The following STAT1 variants were observed in gnomAD, a reference collection of about 807,000 sequenced individuals.
STAT1 encodes the protein signal transducer and activator of transcription 1-alpha/beta.
A neutral mutation model predicts 111.7 loss-of-function variants in STAT1; 24 were observed. The ratio of observed to expected loss-of-function variants is 0.21; its 90% CI spans 0.16 to 0.30. The LOEUF is 0.30. STAT1 is among the 10% of genes least tolerant of loss of function. STAT1 has a pLI of 1.00. For missense variants in STAT1, 351 were observed against 911.9 expected (o/e 0.38, Z 7.92); for synonymous variants, 332 against 326.5 (o/e 1.02, Z -0.18).
At position 190,999,518 on chromosome 2, in the gene STAT1, C is replaced by T. The variant is rs1441203214; in HGVS notation, c.541+108G>A. The T allele has an allele frequency of 3.8e-6, 3 of 796,412 alleles. No homozygotes were observed. Among genetic ancestry groups the T allele is most frequent in the Admixed American group, 2.0e-5 (1 of 51,190 alleles). 49.3% of individuals were successfully genotyped at this position (796,412 alleles called of 1,614,324 possible). On this transcript the variant is annotated intron_variant, in intron 7 of 24. Coordinates refer to ENST00000361099, the MANE Select transcript of STAT1 (RefSeq NM_007315.4). The surrounding 1 kb of genome is among the most constrained non-coding windows in gnomAD (Gnocchi z 4.1). ...TGGCCTGGGTTATCAAGGAAGAATTCAGAGTCATAAAATACTCGGCAAATA... is the reference window on the plus strand; with the variant it reads ...TGGCCTGGGTTATCAAGGAAGAATTTAGAGTCATAAAATACTCGGCAAATA...
In STAT1 at chr2:190,996,840, G is replaced by A. The variant is rs1559018318; in HGVS notation, c.785+1016C>T. Among the ~76,000 whole-genome samples, 1 of 152,242 alleles carries A rather than the reference G, an allele frequency of 6.6e-6. No homozygotes were observed. Among genetic ancestry groups the A allele is most frequent in the South Asian group, 2.1e-4 (1 of 4,826 alleles). ...CTCTGTGATTCCAAGTTCAGCTCCTGTTGCCCCTCACCTGGACCACACTAA... is the reference window on the plus strand; with the variant it reads ...CTCTGTGATTCCAAGTTCAGCTCCTATTGCCCCTCACCTGGACCACACTAA... On this transcript the variant is annotated intron_variant, in intron 9 of 24. Coordinates refer to ENST00000361099, the MANE Select transcript of STAT1 (RefSeq NM_007315.4). The surrounding 1 kb of genome is among the most constrained non-coding windows in gnomAD (Gnocchi z 4.5).
In STAT1 at chr2:190,970,749, T is replaced by G; in HGVS notation, c.2239-32A>C. The G allele has an allele frequency of 1.2e-6, 2 of 1,603,314 alleles. No homozygotes were observed. Among genetic ancestry groups the G allele is most frequent in the Non-Finnish European group, 1.7e-6 (2 of 1,170,748 alleles). On this transcript the variant is annotated intron_variant, in intron 24 of 24. Coordinates refer to ENST00000361099, the MANE Select transcript of STAT1 (RefSeq NM_007315.4). This position sits in a 1 kb window ranked among gnomAD's most constrained non-coding sequence, Gnocchi z 5.4. ...AAAGACAAAATGTGGTTAAGTTTAT[T>G]ACACTGATCTTGTGAAATGCAGACT...
rs1199823743 is a variant in STAT1, at chr2:191,012,215, C to T, written c.-2+1310G>A. On this transcript the variant is annotated intron_variant, in intron 2 of 24. Coordinates refer to ENST00000361099, the MANE Select transcript of STAT1 (RefSeq NM_007315.4). This position sits in a 1 kb window ranked among gnomAD's most constrained non-coding sequence, Gnocchi z 4.0. Reference sequence around the variant, plus strand: ...ATTGCCTGAGCTCCGGAGTTCAAGACCAGCCTGGGCAACATGGTGAAACCT... The same window carrying T: ...ATTGCCTGAGCTCCGGAGTTCAAGATCAGCCTGGGCAACATGGTGAAACCT... 6.6e-6 allele frequency among the ~76,000 whole-genome samples: 1 copy of T among 151,800 alleles called. No homozygotes were observed. Among genetic ancestry groups the T allele is most frequent in the Non-Finnish European group, 1.5e-5 (1 of 67,906 alleles).
Position 190,975,641 on chromosome 2 carries a change from TAA to T in STAT1, c.2135+169_2135+170del. 2.1e-6 allele frequency: 3 copies of T among 1,406,648 alleles called. No individual in the cohort carries two copies. The highest frequency in any genetic ancestry group is 3.0e-5 in the South Asian group (2 of 66,308). 87.1% of individuals were successfully genotyped at this position (1,406,648 alleles called of 1,614,324 possible). ...TGGTTTTTGGCTTTTTTTTTTTTTT[TAA>T]AGTAGTAAAATGCTGATAGGCAGTA... On this transcript the variant is annotated intron_variant, in intron 23 of 24. Coordinates refer to ENST00000361099, the MANE Select transcript of STAT1 (RefSeq NM_007315.4). The surrounding 1 kb of genome is among the most constrained non-coding windows in gnomAD (Gnocchi z 5.9).
chr2:191,007,466 A>C lies in STAT1; in HGVS notation c.372+97T>G. ...TTCTTGGGGCTATAAAATTAGAGAGATATTCATCATTGCTTTGACATGGGC... is the reference window on the plus strand; with the variant it reads ...TTCTTGGGGCTATAAAATTAGAGAGCTATTCATCATTGCTTTGACATGGGC... On this transcript the variant is annotated intron_variant, in intron 5 of 24. Coordinates refer to ENST00000361099, the MANE Select transcript of STAT1 (RefSeq NM_007315.4). The surrounding 1 kb of genome is among the most constrained non-coding windows in gnomAD (Gnocchi z 4.2). 1.1e-6 allele frequency: 1 copy of C among 886,162 alleles called. No individual in the cohort carries two copies. The highest frequency in any genetic ancestry group is 1.8e-6 in the Non-Finnish European group (1 of 545,614). The allele number at this position is 886,162 out of a possible 1,614,324, so 54.9% of individuals were successfully genotyped here.
At position 190,995,224 on chromosome 2, in the gene STAT1, G is replaced by C; in HGVS notation, c.786-5C>G. 6.2e-7 allele frequency: 1 copy of C among 1,613,864 alleles called. No individual in the cohort carries two copies. The highest frequency in any genetic ancestry group is 8.5e-7 in the Non-Finnish European group (1 of 1,179,934). On this transcript the variant is annotated splice_region_variant and splice_polypyrimidine_tract_variant and intron_variant, in intron 9 of 24. Transcript: ENST00000361099. This position sits in a 1 kb window ranked among gnomAD's most constrained non-coding sequence, Gnocchi z 4.2. ...CTCTCCGCAACTATAGTGAACCTGG[G>C]AAGACACAAGACACAGATGTCTCTA...
Position 190,986,062 on chromosome 2 carries a change from T to C in STAT1, c.1222-402A>G, listed in dbSNP as rs1297738832. Among the ~76,000 whole-genome samples the C allele has an allele frequency of 6.6e-6, 1 of 152,084 alleles. No individual in the cohort carries two copies. Among genetic ancestry groups the C allele is most frequent in the Non-Finnish European group, 1.5e-5 (1 of 68,020 alleles). ...CCACCTGCCCTCAAGTGGACGTCAA[T>C]CTCTGAGCTGTCAATCCCTGAGCTG... On this transcript the variant is annotated intron_variant, in intron 14 of 24. Transcript: ENST00000361099. The surrounding 1 kb of genome is among the most constrained non-coding windows in gnomAD (Gnocchi z 5.0).
At chr2:190,991,994 T>G (rs1693377745) in intron 10 of STAT1, among the ~76,000 whole-genome samples, 1 of 152,272 alleles carries the variant, frequency 6.6e-6, no homozygotes, top group Non-Finnish European at 1.5e-5. Flanking sequence ...ACTTCTTGTT[T>G]GAACATTAGC....
chr2:191,009,827 G>C (rs1694991036), intron 3 of STAT1, 49 bp downstream of exon 3: 2 of 1,610,340 alleles, frequency 1.2e-6, no homozygotes, highest in East Asian at 4.5e-5. Flanking sequence ...TAATCAACCA[G>C]TACTTTTAAG....
rs755997811 is a variant in STAT1 at position 190,975,393 on chromosome 2, A to G, written c.2135+419T>C. On this transcript the variant is annotated intron_variant, in intron 23 of 24. Transcript: ENST00000361099. This position sits in a 1 kb window ranked among gnomAD's most constrained non-coding sequence, Gnocchi z 5.9. Reference sequence around the variant, plus strand: ...TCCATTCACCCCAAGACAGTGCTGCAGGCCAAATAACTGACAATGACATTT... The same window carrying G: ...TCCATTCACCCCAAGACAGTGCTGCGGGCCAAATAACTGACAATGACATTT... The G allele has an allele frequency of 6.8e-5, 35 of 517,018 alleles. No individual in the cohort carries two copies. The highest frequency in any genetic ancestry group is 4.6e-4 in the South Asian group (30 of 65,300). 32.0% of individuals were successfully genotyped at this position (517,018 alleles called of 1,614,324 possible). A position where few individuals can be genotyped will look rare whatever the true frequency, so the allele number is the denominator to read the frequency against.
rs1369745586 is a variant in STAT1 at position 190,974,812 on chromosome 2, G to T, written c.2238+18C>A. 6.9e-6 allele frequency: 11 copies of T among 1,603,150 alleles called. No individual in the cohort carries two copies. The Admixed American group carries it at 1.8e-4, about 27-fold the overall frequency. The stretch of plus-strand genomic sequence containing the variant: ...CACACTTATTGAGAGCTACACACAG[G>T]CCAGCCGTGGTACTCACCATACTGT... On this transcript the variant is annotated intron_variant, in intron 24 of 24. Transcript: ENST00000361099. The surrounding 1 kb of genome is among the most constrained non-coding windows in gnomAD (Gnocchi z 4.8).
chr2:190,978,812 A>G lies in STAT1; in HGVS notation c.1873+44T>C. On this transcript the variant is annotated intron_variant, in intron 21 of 24. Transcript: ENST00000361099. This position sits in a 1 kb window ranked among gnomAD's most constrained non-coding sequence, Gnocchi z 6.1. The stretch of plus-strand genomic sequence containing the variant: ...ACTGGCGGCGATGAAGAGGGACTTC[A>G]CACACATGGAATGGTGGGACTATGT... The G allele has an allele frequency of 6.2e-7, 1 of 1,610,646 alleles. No homozygotes were observed. The highest frequency in any genetic ancestry group is 8.5e-7 in the Non-Finnish European group (1 of 1,178,896).
At chr2:191,011,485 C>A (rs966476570) in intron 2 of STAT1, among the ~76,000 whole-genome samples, 2 of 152,152 alleles carry the variant, frequency 1.3e-5, no homozygotes, top group South Asian at 2.1e-4. Context: ...GGCAGTGGAG[C>A]GCAGTTCACT....
Position 190,986,973 on chromosome 2 carries a change from G to A in STAT1, c.1128-26C>T, listed in dbSNP as rs2125035312. 6.2e-7 allele frequency: 1 copy of A among 1,612,658 alleles called. No individual in the cohort carries two copies. Among genetic ancestry groups the A allele is most frequent in the Non-Finnish European group, 8.5e-7 (1 of 1,178,710 alleles). On this transcript the variant is annotated intron_variant, in intron 13 of 24. Transcript: ENST00000361099. The surrounding 1 kb of genome is among the most constrained non-coding windows in gnomAD (Gnocchi z 5.0). ...CTATACAATATAGGAAAGAAATGCT[G>A]AAAAGTCTTCCAACTATTAAATAAA...
chr2:190,987,272 G>A lies in STAT1; in HGVS notation c.1098-204C>T, dbSNP rs1400297800. Reference sequence around the variant, plus strand: ...TGGCAAGTATCACTGAATGACCTTTGGCAAATAAATGGTCTGGGCCTTACA... The same window carrying A: ...TGGCAAGTATCACTGAATGACCTTTAGCAAATAAATGGTCTGGGCCTTACA... On this transcript the variant is annotated intron_variant, in intron 12 of 24. Transcript: ENST00000361099. This position sits in a 1 kb window ranked among gnomAD's most constrained non-coding sequence, Gnocchi z 4.0. Among the ~76,000 whole-genome samples the A allele has an allele frequency of 2.6e-5, 4 of 152,056 alleles. No homozygotes were observed. Among genetic ancestry groups the A allele is most frequent in the Non-Finnish European group, 4.4e-5 (3 of 67,994 alleles).
chr2:190,987,021 G>A lies in STAT1; in HGVS notation c.1127+18C>T, dbSNP rs190749206. On this transcript the variant is annotated intron_variant, in intron 13 of 24. Transcript: ENST00000361099. This position sits in a 1 kb window ranked among gnomAD's most constrained non-coding sequence, Gnocchi z 4.0. ...AAATAAAAATATAGCACAGTATAGC[G>A]TAAAGTACGTCACGTACCCTTTTAC... The A allele has an allele frequency of 1.9e-5, 30 of 1,611,076 alleles. No homozygotes were observed. Among genetic ancestry groups the A allele is most frequent in the Admixed American group, 1.5e-4 (9 of 60,014 alleles).
rs762627064 is a variant in STAT1 at position 190,995,240 on chromosome 2, G to C, written c.786-21C>G. ...TGAACCTGGGAAGACACAAGACACAGATGTCTCTATGAGAAACAGTCCAGA... is the reference window on the plus strand; with the variant it reads ...TGAACCTGGGAAGACACAAGACACACATGTCTCTATGAGAAACAGTCCAGA... On this transcript the variant is annotated intron_variant, in intron 9 of 24. Coordinates refer to ENST00000361099, the MANE Select transcript of STAT1 (RefSeq NM_007315.4). The surrounding 1 kb of genome is among the most constrained non-coding windows in gnomAD (Gnocchi z 4.2). 3.7e-6 allele frequency: 6 copies of C among 1,613,452 alleles called. No homozygotes were observed. Among genetic ancestry groups the C allele is most frequent in the African/African-American group, 1.3e-5 (1 of 74,886 alleles).
Position 190,993,704 on chromosome 2 carries a change from C to G in STAT1, c.944+1357G>C. ...GAGTAAATGTCTTCCCCGACTCTGC[C>G]CCCTGGAACGCAATCAGCAGCCGCT... On this transcript the variant is annotated intron_variant, in intron 10 of 24. Coordinates refer to ENST00000361099, the MANE Select transcript of STAT1 (RefSeq NM_007315.4). The surrounding 1 kb of genome is among the most constrained non-coding windows in gnomAD (Gnocchi z 4.1). The G allele has an allele frequency of 2.5e-6, 1 of 397,396 alleles. No homozygotes were observed. Among genetic ancestry groups the G allele is most frequent in the Non-Finnish European group, 4.8e-6 (1 of 206,820 alleles). The allele number at this position is 397,396 out of a possible 1,614,324, so 24.6% of individuals were successfully genotyped here. A position where few individuals can be genotyped will look rare whatever the true frequency, so the allele number is the denominator to read the frequency against.
At position 190,991,430 on chromosome 2, in the gene STAT1, A is replaced by G. The variant is rs956139429; in HGVS notation, c.945-110T>C. ...GGGGTTAGAGAGTACGATCTAAAAAATCATTTGAAAGATTCTGACAAGTTG... is the reference window on the plus strand; with the variant it reads ...GGGGTTAGAGAGTACGATCTAAAAAGTCATTTGAAAGATTCTGACAAGTTG... On this transcript the variant is annotated intron_variant, in intron 10 of 24. Coordinates refer to ENST00000361099, the MANE Select transcript of STAT1 (RefSeq NM_007315.4). 5.0e-6 allele frequency: 5 copies of G among 991,212 alleles called. No homozygotes were observed. The African/African-American group carries it at 8.0e-5, about 16-fold the overall frequency. 61.4% of individuals were successfully genotyped at this position (991,212 alleles called of 1,614,324 possible).
Sources: allele counts gnomAD v4.1 joint callset (sites outside exome capture counted in the v4.1 genomes callset), GRCh38; gene constraint gnomAD v4.1.1; non-coding constraint Gnocchi (gnomAD v3.1); transcripts MANE v1.5; gene names NCBI Gene and HGNC (gene_info 2026-07-23, HGNC 2026-07-21).